PHF21B: variants seen among roughly 807,000 people sequenced by gnomAD.
PHF21B encodes PHD finger protein 4.
PHF21B carries 22 observed loss-of-function variants against 62.2 expected under a neutral mutation model. The observed-to-expected ratio is 0.35, with a 90% confidence interval of 0.25 to 0.51. PHF21B has a LOEUF of 0.51. Ranked by LOEUF, PHF21B falls within the 20% of genes least tolerant of loss-of-function variation. The probability of loss-of-function intolerance (pLI) is 0.97; values close to 1 mark genes in which losing one functional copy is unlikely to be tolerated. For missense variants in PHF21B, 701 were observed against 707.9 expected, an observed-to-expected ratio of 0.99 and a Z score of 0.11; for synonymous variants, 341 against 314.7, an observed-to-expected ratio of 1.08 and a Z score of -0.88.
intron 2 of PHF21B, among the ~76,000 whole-genome samples, chr22:44,987,644 A>G (rs1249345989): frequency 6.6e-6 from 1 of 152,080 alleles, no homozygotes; most frequent in Non-Finnish European, 1.5e-5. Context: ...ACTGGCAGCC[A>G]CCACCTGTGG....
intron 5 of PHF21B, among the ~76,000 whole-genome samples, chr22:44,911,698 C>G (rs1473162498): frequency 6.6e-6 from 1 of 152,236 alleles, no homozygotes; most frequent in Non-Finnish European, 1.5e-5. Context: ...AAGTTTGCTG[C>G]AGGGGCAGAG....
chr22:44,945,626 C>T (rs553931749), intron 2 of PHF21B, among the ~76,000 whole-genome samples: 1 of 152,132 alleles, frequency 6.6e-6, no homozygotes, highest in African/African-American at 2.4e-5. Context: ...CCAGAAGGGC[C>T]TGATCGTGGG....
chr22:44,885,713 C>T (rs1043640767), intron 11 of PHF21B, 150 bp downstream of exon 11: 7 of 1,048,282 alleles, frequency 6.7e-6, no homozygotes, highest in Non-Finnish European at 9.8e-6. Context: ...GCCCCGGACA[C>T]AGGACCGGTC....
chr22:44,921,215 G>A (rs973030070), intron 2 of PHF21B, among the ~76,000 whole-genome samples: 3 of 152,164 alleles, frequency 2.0e-5, no homozygotes, highest in Middle Eastern at 3.2e-3. Flanking sequence ...GGACATTCAG[G>A]GTAAGGAGAA....
intron 5 of PHF21B, among the ~76,000 whole-genome samples, chr22:44,910,297 G>A (rs371820852): frequency 3.3e-5 from 5 of 152,234 alleles, no homozygotes; most frequent in African/African-American, 7.2e-5. Context: ...AAAGGGAACC[G>A]AGTCTGAGCT....
At chr22:44,940,034 G>A (rs1216664687) in intron 2 of PHF21B, among the ~76,000 whole-genome samples, 1 of 152,174 alleles carries the variant, frequency 6.6e-6, no homozygotes, top group Non-Finnish European at 1.5e-5. Flanking sequence ...GGGGCCAGTG[G>A]GGTGGGGACT....
At chr22:44,997,095 C>T (rs60088968) in intron 2 of PHF21B, among the ~76,000 whole-genome samples, 83 of 152,320 alleles carry the variant, frequency 5.4e-4, no homozygotes, top group African/African-American at 1.9e-3. Flanking sequence ...AGCCTGTTAA[C>T]GGGGCCCTCC....
intron 2 of PHF21B, among the ~76,000 whole-genome samples, chr22:44,924,849 G>A (rs1432676213): frequency 3.9e-5 from 6 of 152,180 alleles, no homozygotes; most frequent in Admixed American, 2.6e-4. Flanking sequence ...ACAGAGACTT[G>A]TACGTGAATG....
At chr22:44,935,165 C>T (rs1223629026) in intron 2 of PHF21B, among the ~76,000 whole-genome samples, 2 of 152,172 alleles carry the variant, frequency 1.3e-5, no homozygotes, top group Non-Finnish European at 2.9e-5. Context: ...CTGGAAGCTT[C>T]AGGAACATAG....
chr22:45,008,543 ACTTGTT>A lies in PHF21B; in HGVS notation c.116_120+1del. 3 of 1,576,162 alleles carry A rather than the reference ACTTGTT, an allele frequency of 1.9e-6. No individual in the cohort carries two copies. In the Admixed American group the frequency reaches 5.5e-5, roughly 29 times the overall value. Reference sequence around the variant, plus strand: ...AGGGGGGGCCGCGATCCCATCGCTTACTTGTTTGTCGCTGAGCGCGGCGATCCGCGG... The same window carrying A: ...AGGGGGGGCCGCGATCCCATCGCTTATGTCGCTGAGCGCGGCGATCCGCGG... On this transcript the variant is annotated splice_donor_variant and coding_sequence_variant, in exon 2 of 13. Coordinates refer to ENST00000313237, the MANE Select transcript of PHF21B (RefSeq NM_138415.5). LOFTEE classifies it high-confidence loss of function.
intron 2 of PHF21B, among the ~76,000 whole-genome samples, chr22:44,977,255 C>A (rs959253026): frequency 6.6e-6 from 1 of 151,890 alleles, no homozygotes; most frequent in Admixed American, 6.6e-5. Flanking sequence ...TAGTTTACCA[C>A]ATATGTATAT....
intron 12 of PHF21B, among the ~76,000 whole-genome samples, chr22:44,884,356 C>T (rs111163998): frequency 0.46 from 37,566 of 80,802 alleles, 9,257 homozygotes; most frequent in Non-Finnish European, 0.55. Flanking sequence ...ATCACCACCA[C>T]GATCACCAAC....
chr22:44,973,168 C>G (rs1037664956), intron 2 of PHF21B, among the ~76,000 whole-genome samples: 1 of 152,296 alleles, frequency 6.6e-6, no homozygotes, highest in East Asian at 1.9e-4. Context: ...GCTGCATTCC[C>G]TTCAGGTCCT....
intron 2 of PHF21B, among the ~76,000 whole-genome samples, chr22:44,982,227 C>T (rs185006863): frequency 4.6e-5 from 7 of 152,328 alleles, no homozygotes. Context: ...TGCCTATCAG[C>T]TTCTGTGTAT....
At chr22:44,885,652 G>A in intron 11 of PHF21B, 123 bp from the exon 12 acceptor site, 1 of 1,094,434 alleles carries the variant, frequency 9.1e-7, no homozygotes, top group South Asian at 1.6e-5. Flanking sequence ...AGAAGCCAGT[G>A]GCTGTGGCCA....
At chr22:44,937,594 A>C (rs1402561967) in intron 2 of PHF21B, among the ~76,000 whole-genome samples, 1 of 152,270 alleles carries the variant, frequency 6.6e-6, no homozygotes, top group Non-Finnish European at 1.5e-5. Context: ...TACACAAGAG[A>C]AATGAAAACC....
At chr22:44,897,667 T>A (rs1225519521) in intron 5 of PHF21B, among the ~76,000 whole-genome samples, 1 of 152,202 alleles carries the variant, frequency 6.6e-6, no homozygotes, top group African/African-American at 2.4e-5. Context: ...CTGGCTTATT[T>A]ATTGTAGTTT....
chr22:44,923,887 TGTA>T (rs1240242600), intron 2 of PHF21B, among the ~76,000 whole-genome samples: 3 of 151,834 alleles, frequency 2.0e-5, no homozygotes, highest in Non-Finnish European at 4.4e-5. Flanking sequence ...AGCACATGCC[TGTA>T]GTCTCAGCTG....
intron 2 of PHF21B, among the ~76,000 whole-genome samples, chr22:44,934,259 T>G (rs1363612753): frequency 1.3e-5 from 2 of 152,080 alleles, no homozygotes; most frequent in East Asian, 3.9e-4. Context: ...CTGCTTCCCC[T>G]GTCCTGGAGC....
Sources: gnomAD v4.1 joint callset for allele counts (sites outside exome capture counted in the v4.1 genomes callset) on GRCh38, gnomAD v4.1.1 for gene constraint, MANE v1.5 for transcripts, NCBI Gene and HGNC (gene_info 2026-07-23, HGNC 2026-07-21) for gene names.